Variants in TMOD2 observed in about 807,000 individuals in gnomAD.
TMOD2 encodes tropomodulin 2, also known as tropomodulin-2.
In TMOD2, 22 loss-of-function variants were observed where a neutral mutation model predicts 39.9. The ratio of observed to expected loss-of-function variants is 0.55; its 90% CI spans 0.39 to 0.79. TMOD2 has a LOEUF of 0.79. TMOD2 is among the 30% of genes least tolerant of loss of function. The pLI, the probability that TMOD2 is intolerant of heterozygous loss-of-function variation, is 0.00. For synonymous variants in TMOD2, 123 were observed against 146.1 expected, an observed-to-expected ratio of 0.84 and a Z score of 1.14; for missense variants, 386 against 413.3, an observed-to-expected ratio of 0.93 and a Z score of 0.57.
chr15:51,771,239 G>T (rs1393109921), intron 3 of TMOD2, among the ~76,000 whole-genome samples: 1 of 152,230 alleles, frequency 6.6e-6, no homozygotes, highest in African/African-American at 2.4e-5. Flanking sequence ...CAGCAGAGCA[G>T]AGCGAAGAGT....
Position 51,809,582 on chromosome 15 carries a change from TGTA to T in TMOD2, c.*1131_*1133del, listed in dbSNP as rs1451361345. On this transcript the variant is annotated 3_prime_UTR_variant, in exon 10 of 10. Coordinates refer to ENST00000249700, the MANE Select transcript of TMOD2 (RefSeq NM_014548.4). ...ATTGTAGTATGCATTAATCTTTCAA[TGTA>T]GTGGTGTAAAAATGCAGTGCTAAAC... 1.3e-5 allele frequency: 2 copies of T among 152,210 alleles called. No individual in the cohort carries two copies. The highest frequency in any genetic ancestry group is 1.9e-4 in the East Asian group (1 of 5,196). 9.4% of individuals were successfully genotyped at this position (152,210 alleles called of 1,614,324 possible). A position where few individuals can be genotyped will look rare whatever the true frequency, so the allele number is the denominator to read the frequency against.
intron 6 of TMOD2, among the ~76,000 whole-genome samples, chr15:51,782,195 TATAAC>T (rs1244262502): frequency 6.6e-6 from 1 of 152,164 alleles, no homozygotes; most frequent in African/African-American, 2.4e-5. Context: ...AACAGATAAT[TATAAC>T]ATGATGTGGT....
intron 8 of TMOD2, 100 bp downstream of exon 8, chr15:51,798,440 G>T: frequency 5.8e-6 from 8 of 1,371,626 alleles, no homozygotes; most frequent in Non-Finnish European, 8.0e-6. Context: ...TTCTGTGTGT[G>T]ACTCAATTTG....
At chr15:51,774,478 C>T (rs758919112) in intron 4 of TMOD2, among the ~76,000 whole-genome samples, 12 of 152,140 alleles carry the variant, frequency 7.9e-5, no homozygotes, top group Non-Finnish European at 1.6e-4. Flanking sequence ...TATTAGATGA[C>T]CACAGGATAG....
In TMOD2 at chr15:51,811,895, C is replaced by T. The variant is rs1219511150; in HGVS notation, c.*3441C>T. Reference sequence around the variant, plus strand: ...ACTCTTAGGAAATAAATATTAGAAGCCTAGAAATCATTTAGTTGTTCTAGC... The same window carrying T: ...ACTCTTAGGAAATAAATATTAGAAGTCTAGAAATCATTTAGTTGTTCTAGC... On this transcript the variant is annotated 3_prime_UTR_variant, in exon 10 of 10. Transcript: ENST00000249700. 6.6e-6 allele frequency: 1 copy of T among 152,066 alleles called. No individual in the cohort carries two copies. Among genetic ancestry groups the T allele is most frequent in the Non-Finnish European group, 1.5e-5 (1 of 68,016 alleles). 9.4% of individuals were successfully genotyped at this position (152,066 alleles called of 1,614,324 possible).
chr15:51,781,276 T>C lies in TMOD2; in HGVS notation c.624+102T>C. 7.4e-6 allele frequency: 8 copies of C among 1,084,512 alleles called. No homozygotes were observed. In the South Asian group the frequency reaches 1.0e-4, roughly 14 times the overall value. 67.2% of individuals were successfully genotyped at this position (1,084,512 alleles called of 1,614,324 possible). A position where few individuals can be genotyped will look rare whatever the true frequency, so the allele number is the denominator to read the frequency against. On this transcript the variant is annotated intron_variant, in intron 6 of 9. Coordinates refer to ENST00000249700, the MANE Select transcript of TMOD2 (RefSeq NM_014548.4). ...GTTTTCACACCTGTTTGCAGTTCTTTGTAGTCACTGAGTTGGAGTCAAGGT... is the reference window on the plus strand; with the variant it reads ...GTTTTCACACCTGTTTGCAGTTCTTCGTAGTCACTGAGTTGGAGTCAAGGT...
At chr15:51,771,572 G>A (rs1047483637) in intron 3 of TMOD2, among the ~76,000 whole-genome samples, 1 of 152,218 alleles carries the variant, frequency 6.6e-6, no homozygotes, top group Non-Finnish European at 1.5e-5. Context: ...GGCCAAGGCA[G>A]GAGGATTACT....
intron 4 of TMOD2, among the ~76,000 whole-genome samples, chr15:51,775,726 C>T (rs978039486): frequency 1.3e-5 from 2 of 151,752 alleles, no homozygotes; most frequent in Non-Finnish European, 2.9e-5. Flanking sequence ...TACAGGTGCC[C>T]GCCACCACGC....
At chr15:51,772,255 A>G (rs2055858547) in intron 3 of TMOD2, among the ~76,000 whole-genome samples, 1 of 152,192 alleles carries the variant, frequency 6.6e-6, no homozygotes, top group South Asian at 2.1e-4. Flanking sequence ...AACTCTACAG[A>G]TCAAAATGGA....
At chr15:51,801,019 A>G (rs915373033) in intron 8 of TMOD2, among the ~76,000 whole-genome samples, 7 of 152,068 alleles carry the variant, frequency 4.6e-5, no homozygotes, top group Non-Finnish European at 1.0e-4. Flanking sequence ...GCGTCTCTTT[A>G]TTTGTATACG....
intron 8 of TMOD2, among the ~76,000 whole-genome samples, chr15:51,804,388 A>G (rs373243346): frequency 6.6e-6 from 1 of 152,260 alleles, no homozygotes; most frequent in African/African-American, 2.4e-5. Flanking sequence ...GAAAAAAAGC[A>G]TAGATATACA....
At chr15:51,790,172 A>C (rs2056000860) in intron 7 of TMOD2, among the ~76,000 whole-genome samples, 1 of 152,206 alleles carries the variant, frequency 6.6e-6, no homozygotes, top group African/African-American at 2.4e-5. Context: ...GATAAAGGGG[A>C]TATCACCACT....
rs11459410 is a variant in TMOD2, at chr15:51,767,031, AT to A, written c.126+478del. On this transcript the variant is annotated intron_variant, in intron 2 of 9. Transcript: ENST00000249700. ...CCAGGTTTTTAGGCCCAAATGCAGA[AT>A]TTTTTTTTTTTTTGAGACAGTCTCA... The A allele has an allele frequency of 6.7e-3, 987 of 147,526 alleles. 8 individuals carry two copies. Among genetic ancestry groups the A allele is most frequent in the South Asian group, 0.029 (135 of 4,652 alleles). The allele number at this position is 147,526 out of a possible 1,614,324, so 9.1% of individuals were successfully genotyped here.
intron 5 of TMOD2, among the ~76,000 whole-genome samples, chr15:51,778,051 G>A (rs113143241): frequency 0.033 from 5,055 of 150,968 alleles, 135 homozygotes; most frequent in Non-Finnish European, 0.05. Flanking sequence ...TGTTTATTGC[G>A]GCACTATTCA....
intron 3 of TMOD2, among the ~76,000 whole-genome samples, chr15:51,771,849 A>C (rs1192566819): frequency 6.6e-6 from 1 of 151,938 alleles, no homozygotes; most frequent in Non-Finnish European, 1.5e-5. Flanking sequence ...CCATCCTCCT[A>C]ATTTGTTTCC....
chr15:51,796,372 T>G (rs1157974087), intron 7 of TMOD2, among the ~76,000 whole-genome samples: 1 of 152,122 alleles, frequency 6.6e-6, no homozygotes, highest in African/African-American at 2.4e-5. Context: ...GAGTGAGAGC[T>G]TTTTTTCAGC....
chr15:51,768,606 G>T (rs1406453522), intron 3 of TMOD2, among the ~76,000 whole-genome samples, 188 bp downstream of exon 3: 2 of 151,636 alleles, frequency 1.3e-5, no homozygotes, highest in African/African-American at 4.8e-5. Flanking sequence ...GTCGTGGAGG[G>T]TCAAGCAAGG....
chr15:51,782,400 C>T (rs1595870548), intron 6 of TMOD2, among the ~76,000 whole-genome samples: 1 of 152,078 alleles, frequency 6.6e-6, no homozygotes, highest in Non-Finnish European at 1.5e-5. Context: ...AAAACAGTGG[C>T]AAATACGTCA....
chr15:51,811,024 C>T lies in TMOD2; in HGVS notation c.*2570C>T, dbSNP rs535879414. 6.6e-6 allele frequency: 1 copy of T among 152,174 alleles called. No homozygotes were observed. Among genetic ancestry groups the T allele is most frequent in the African/African-American group, 2.4e-5 (1 of 41,420 alleles). The allele number at this position is 152,174 out of a possible 1,614,324, so 9.4% of individuals were successfully genotyped here. A position where few individuals can be genotyped will look rare whatever the true frequency, so the allele number is the denominator to read the frequency against. ...TATGAAATAGTTGGGTTGCATGCAACAGAGTCTATGAAATCAAATGTTTTT... is the reference window on the plus strand; with the variant it reads ...TATGAAATAGTTGGGTTGCATGCAATAGAGTCTATGAAATCAAATGTTTTT... On this transcript the variant is annotated 3_prime_UTR_variant, in exon 10 of 10. Transcript: ENST00000249700.
Sources: gnomAD v4.1 joint callset for allele counts (sites outside exome capture counted in the v4.1 genomes callset) on GRCh38, gnomAD v4.1.1 for gene constraint, MANE v1.5 for transcripts, NCBI Gene and HGNC (gene_info 2026-07-23, HGNC 2026-07-21) for gene names.